SUMF1: variants seen among roughly 807,000 people sequenced by gnomAD.
The protein encoded by SUMF1 is sulfatase modifying factor 1, also known as formylglycine-generating enzyme.
A neutral mutation model predicts 47.6 loss-of-function variants in SUMF1; 48 were observed. The ratio of observed to expected loss-of-function variants is 1.01; its 90% CI spans 0.80 to 1.28. The LOEUF is 1.28. SUMF1 is among the 50% of genes most tolerant of loss of function. SUMF1 has a pLI of 0.00. For missense variants in SUMF1, 571 were observed against 485.4 expected, an observed-to-expected ratio of 1.18 and a Z score of -1.66; for synonymous variants, 230 against 192.1, an observed-to-expected ratio of 1.20 and a Z score of -1.63.
rs537912331 is a variant in SUMF1 at position 4,151,203 on chromosome 3, T to C, written c.1015-82458A>G. ...ACATGCAAATATATATTTAAACACA[T>C]ATAAGGAAATGTATAATGAATATAA... On this transcript the variant is annotated intron_variant and NMD_transcript_variant, in intron 8 of 12. Coordinates refer to the SUMF1 transcript ENST00000448413. Among the ~76,000 whole-genome samples the C allele has an allele frequency of 3.3e-5, 5 of 149,460 alleles. No individual in the cohort carries two copies. The South Asian group carries it at 1.1e-3, about 32-fold the overall frequency.
intron 8 of SUMF1, among the ~76,000 whole-genome samples, chr3:4,318,174 T>C (rs1264842057): frequency 1.3e-5 from 2 of 150,870 alleles, no homozygotes; most frequent in African/African-American, 4.9e-5. Flanking sequence ...AATACCAATA[T>C]CCCTTTTGAA....
At chr3:4,074,091 A>C (rs1692356200) in intron 8 of SUMF1, among the ~76,000 whole-genome samples, 3 of 152,196 alleles carry the variant, frequency 2.0e-5, no homozygotes, top group Admixed American at 2.0e-4. Flanking sequence ...AATTGGAAGT[A>C]AAACACTCCT....
intron 8 of SUMF1, among the ~76,000 whole-genome samples, chr3:4,099,007 A>C (rs189509930): frequency 6.6e-6 from 1 of 152,234 alleles, no homozygotes; most frequent in Admixed American, 6.5e-5. Flanking sequence ...GCGACAGTAA[A>C]GAAGACTCTG....
At chr3:4,410,176 T>C (rs1461484554) in intron 7 of SUMF1, among the ~76,000 whole-genome samples, 1 of 152,204 alleles carries the variant, frequency 6.6e-6, no homozygotes, top group Non-Finnish European at 1.5e-5. Flanking sequence ...AGGAAGCACT[T>C]TCCACACACA....
downstream of SUMF1, among the ~76,000 whole-genome samples, chr3:4,359,128 C>T (rs1699686133): frequency 6.6e-6 from 1 of 152,156 alleles, no homozygotes; most frequent in African/African-American, 2.4e-5. Flanking sequence ...TCAAACCGAA[C>T]TTTTCTTAGT....
intron 8 of SUMF1, among the ~76,000 whole-genome samples, chr3:4,250,018 T>C (rs1212350350): frequency 3.3e-5 from 5 of 152,058 alleles, no homozygotes; most frequent in African/African-American, 1.2e-4. Flanking sequence ...ATGCTGTCTC[T>C]ACTAAAAATA....
At chr3:4,348,856 CAA>C (rs1352461756) in intron 8 of SUMF1, among the ~76,000 whole-genome samples, 1 of 152,164 alleles carries the variant, frequency 6.6e-6, no homozygotes, top group Admixed American at 6.5e-5. Flanking sequence ...GCCTGGGCAA[CAA>C]GAGCGAAGCG....
At chr3:4,168,178 T>C (rs1195240815) in intron 8 of SUMF1, among the ~76,000 whole-genome samples, 3 of 152,156 alleles carry the variant, frequency 2.0e-5, no homozygotes, top group Non-Finnish European at 4.4e-5. Context: ...CTCCTCTCTT[T>C]CCAAACATGA....
intron 8 of SUMF1, among the ~76,000 whole-genome samples, chr3:4,200,500 A>C (rs1164935129): frequency 6.6e-6 from 1 of 152,026 alleles, no homozygotes; most frequent in Non-Finnish European, 1.5e-5. Flanking sequence ...CAGCCTTTGA[A>C]CTATGGGACT....
chr3:4,184,878 A>C (rs1283743578), intron 8 of SUMF1, among the ~76,000 whole-genome samples: 5 of 151,958 alleles, frequency 3.3e-5, no homozygotes, highest in African/African-American at 9.7e-5. Context: ...TGGAACTCCT[A>C]ATCTCAGGTG....
At chr3:4,360,993 C>G (rs1160368923), downstream of SUMF1, among the ~76,000 whole-genome samples, 2 of 152,138 alleles carry the variant, frequency 1.3e-5, no homozygotes, top group Non-Finnish European at 2.9e-5. Context: ...CTTTTTGGAA[C>G]AAAAATTCCC....
chr3:4,275,405 C>G (rs1334244464), intron 8 of SUMF1, among the ~76,000 whole-genome samples: 2 of 152,084 alleles, frequency 1.3e-5, no homozygotes, highest in Admixed American at 6.5e-5. Context: ...TGGACTACTT[C>G]CAGATATAAC....
intron 3 of SUMF1, among the ~76,000 whole-genome samples, chr3:4,437,849 G>T (rs1702451292): frequency 6.6e-6 from 1 of 152,118 alleles, no homozygotes; most frequent in Non-Finnish European, 1.5e-5. Flanking sequence ...TGAGGCAGGA[G>T]AATCTCTTAA....
chr3:4,335,140 A>T (rs1699120180), intron 8 of SUMF1, among the ~76,000 whole-genome samples: 1 of 152,122 alleles, frequency 6.6e-6, no homozygotes, highest in African/African-American at 2.4e-5. Flanking sequence ...AGATGGACTG[A>T]AACAAACAAA....
intron 7 of SUMF1, among the ~76,000 whole-genome samples, chr3:4,396,930 C>T (rs371906526): frequency 2.0e-5 from 3 of 152,158 alleles, no homozygotes; most frequent in Admixed American, 1.3e-4. Context: ...TGCTGAAAAC[C>T]AGTCAACCTA....
At chr3:4,366,008 T>C (rs1266416891) in intron 8 of SUMF1, among the ~76,000 whole-genome samples, 2 of 151,914 alleles carry the variant, frequency 1.3e-5, no homozygotes, top group Non-Finnish European at 2.9e-5. Flanking sequence ...AATTCTGGGT[T>C]GAAAATTCTT....
intron 3 of SUMF1, among the ~76,000 whole-genome samples, chr3:4,436,462 T>A (rs2125087323): frequency 6.6e-6 from 1 of 151,496 alleles, no homozygotes; most frequent in East Asian, 1.9e-4. Flanking sequence ...CATTCAAAAG[T>A]GAGGTTAAGA....
chr3:4,135,713 T>A (rs1027739345), intron 8 of SUMF1, among the ~76,000 whole-genome samples: 34 of 152,302 alleles, frequency 2.2e-4, no homozygotes, highest in Non-Finnish European at 4.1e-4. Flanking sequence ...CATGATTGTA[T>A]ATCTAGAAAA....
At chr3:4,186,092 C>T (rs915003909) in intron 8 of SUMF1, among the ~76,000 whole-genome samples, 3 of 152,110 alleles carry the variant, frequency 2.0e-5, no homozygotes, top group Admixed American at 1.3e-4. Flanking sequence ...AGAGTCATTT[C>T]AAATACACCC....
Sources: allele counts gnomAD v4.1 joint callset (sites outside exome capture counted in the v4.1 genomes callset), GRCh38; gene constraint gnomAD v4.1.1; transcripts MANE v1.5; gene names NCBI Gene and HGNC (gene_info 2026-07-23, HGNC 2026-07-21).